LRRC4C: variants seen among roughly 807,000 people sequenced by gnomAD.
The protein encoded by LRRC4C is leucine-rich repeat-containing protein 4C.
In LRRC4C, 5 loss-of-function variants were observed where a neutral mutation model predicts 33.6. The observed-to-expected ratio is 0.15, with a 90% CI of 0.08 to 0.31. The LOEUF (loss-of-function observed/expected upper bound fraction) is 0.31, where lower values mean the gene tolerates loss of function less well. Ranked by LOEUF, LRRC4C falls within the 10% of genes least tolerant of loss-of-function variation. The pLI is 1.00. For synonymous variants in LRRC4C, 329 were observed against 302.0 expected, an observed-to-expected ratio of 1.09 and a Z score of -0.93; for missense variants, 560 against 796.7, an observed-to-expected ratio of 0.70 and a Z score of 3.58.
intron 1 of LRRC4C, among the ~76,000 whole-genome samples, chr11:41,398,058 G>A (rs2138073606): frequency 6.6e-6 from 1 of 152,004 alleles, no homozygotes; most frequent in African/African-American, 2.4e-5. Flanking sequence ...ATGCACTTGT[G>A]ACACTTGGAG....
At chr11:40,379,504 C>G (rs993730948) in intron 3 of LRRC4C, among the ~76,000 whole-genome samples, 31 of 152,088 alleles carry the variant, frequency 2.0e-4, no homozygotes, top group Non-Finnish European at 3.8e-4. Context: ...TCAGAAGAGA[C>G]AGAAAGCTGA....
chr11:40,269,349 C>T (rs749687060), intron 4 of LRRC4C, among the ~76,000 whole-genome samples: 2 of 152,150 alleles, frequency 1.3e-5, no homozygotes, highest in Non-Finnish European at 2.9e-5. Flanking sequence ...GTACCTAACA[C>T]TAATTTTAAT....
intron 3 of LRRC4C, among the ~76,000 whole-genome samples, chr11:40,471,599 T>G (rs780047625): frequency 1.3e-5 from 2 of 150,720 alleles, no homozygotes; most frequent in African/African-American, 2.4e-5. Context: ...TGTGCTGTAT[T>G]CAGGAGACCC....
intron 3 of LRRC4C, among the ~76,000 whole-genome samples, chr11:40,584,835 G>A (rs1400957343): frequency 1.3e-5 from 2 of 151,910 alleles, no homozygotes; most frequent in Admixed American, 1.3e-4. Flanking sequence ...AGGAGGCTGA[G>A]GCAGGAGAAT....
At chr11:40,808,967 T>TA (rs1483300619) in intron 2 of LRRC4C, among the ~76,000 whole-genome samples, 1 of 152,162 alleles carries the variant, frequency 6.6e-6, no homozygotes, top group Non-Finnish European at 1.5e-5. Context: ...ACCCAACCTC[T>TA]CTCCCCTCTC....
intron 5 of LRRC4C, among the ~76,000 whole-genome samples, chr11:40,223,423 C>T (rs1310588206): frequency 6.6e-6 from 1 of 152,146 alleles, no homozygotes; most frequent in Non-Finnish European, 1.5e-5. Context: ...ATTGAATGGC[C>T]TCTTTCTATG....
intron 2 of LRRC4C, among the ~76,000 whole-genome samples, chr11:40,756,313 C>T (rs748847873): frequency 3.3e-5 from 5 of 152,064 alleles, no homozygotes; most frequent in African/African-American, 9.7e-5. Flanking sequence ...TTTTCAAGAA[C>T]CTTTAGCACT....
At chr11:40,553,438 A>G (rs1438192649) in intron 3 of LRRC4C, among the ~76,000 whole-genome samples, 1 of 152,216 alleles carries the variant, frequency 6.6e-6, no homozygotes, top group African/African-American at 2.4e-5. Flanking sequence ...TTATTGAGGT[A>G]ACATAATTTT....
chr11:40,577,125 G>A (rs891391399), intron 3 of LRRC4C, among the ~76,000 whole-genome samples: 1 of 152,176 alleles, frequency 6.6e-6, no homozygotes, highest in African/African-American at 2.4e-5. Flanking sequence ...TTAAATCACA[G>A]TGTGATCCAA....
chr11:40,358,861 T>C (rs992344032), intron 3 of LRRC4C, among the ~76,000 whole-genome samples: 3 of 151,892 alleles, frequency 2.0e-5, no homozygotes, highest in African/African-American at 7.2e-5. Context: ...CATTCATTCA[T>C]TTATTTATTT....
intron 3 of LRRC4C, among the ~76,000 whole-genome samples, chr11:40,467,517 G>A (rs750331625): frequency 5.3e-5 from 8 of 152,074 alleles, no homozygotes; most frequent in South Asian, 2.1e-4. Context: ...TTTTTAGAGC[G>A]CTGGAAACCT....
intron 6 of LRRC4C, among the ~76,000 whole-genome samples, chr11:40,138,373 G>C (rs1439929800): frequency 6.6e-6 from 1 of 152,100 alleles, no homozygotes; most frequent in Non-Finnish European, 1.5e-5. Flanking sequence ...GTCTTGCTAT[G>C]TTGTCCAGGC....
intron 2 of LRRC4C, among the ~76,000 whole-genome samples, chr11:40,746,272 A>G (rs1444202625): frequency 6.6e-6 from 1 of 152,108 alleles, no homozygotes; most frequent in Non-Finnish European, 1.5e-5. Flanking sequence ...TCAGGAAAGG[A>G]GCTCACCCTG....
chr11:40,326,647 C>T (rs999982221), intron 3 of LRRC4C, among the ~76,000 whole-genome samples: 3 of 151,568 alleles, frequency 2.0e-5, no homozygotes, highest in Admixed American at 1.3e-4. Context: ...TGTCCAAGGA[C>T]GAACAAAAAA....
chr11:40,312,190 C>T (rs1945348201), intron 4 of LRRC4C, among the ~76,000 whole-genome samples: 1 of 152,090 alleles, frequency 6.6e-6, no homozygotes, highest in Admixed American at 6.6e-5. Context: ...GAAACTCTTG[C>T]TTGGTTATAC....
At chr11:41,053,656 T>C (rs1409638893) in intron 1 of LRRC4C, among the ~76,000 whole-genome samples, 1 of 152,216 alleles carries the variant, frequency 6.6e-6, no homozygotes, top group Non-Finnish European at 1.5e-5. Context: ...TCAACTATAC[T>C]TAATTGGAGA....
chr11:41,088,016 A>T (rs968898827), intron 1 of LRRC4C, among the ~76,000 whole-genome samples: 1 of 152,156 alleles, frequency 6.6e-6, no homozygotes, highest in African/African-American at 2.4e-5. Context: ...CAGAATACAC[A>T]TTAGCTGATT....
chr11:40,709,743 A>G (rs555166243), intron 2 of LRRC4C, among the ~76,000 whole-genome samples: 1 of 152,080 alleles, frequency 6.6e-6, no homozygotes, highest in South Asian at 2.1e-4. Flanking sequence ...TTGCCTTGCT[A>G]GGTTGGGGAA....
chr11:40,427,374 G>T (rs1950755810), intron 3 of LRRC4C, among the ~76,000 whole-genome samples: 2 of 152,086 alleles, frequency 1.3e-5, no homozygotes, highest in African/African-American at 4.8e-5. Context: ...AGGCATGGTG[G>T]TGCACACCTG....
Sources: allele counts gnomAD v4.1 joint callset (sites outside exome capture counted in the v4.1 genomes callset), GRCh38; gene constraint gnomAD v4.1.1; transcripts MANE v1.5; gene names NCBI Gene and HGNC (gene_info 2026-07-23, HGNC 2026-07-21).